The following CDCP1 variants were observed in gnomAD, a reference collection of about 807,000 sequenced individuals.
CDCP1 encodes CUB domain containing protein 1, also known as CUB domain-containing protein 1.
CDCP1 carries 29 observed loss-of-function variants against 60.2 expected under a neutral mutation model. The observed-to-expected ratio is 0.48, with a 90% CI of 0.36 to 0.66. The LOEUF is 0.66. Among genes scored for constraint, CDCP1 ranks in the 30% least tolerant of loss-of-function variants. The pLI, the probability that CDCP1 is intolerant of heterozygous loss-of-function variation, is 0.00. For synonymous variants in CDCP1, 387 were observed against 431.1 expected (o/e 0.90, Z 1.27); for missense variants, 876 against 1,074.3 (o/e 0.82, Z 2.58).
chr3:45,136,024 T>G (rs1699185493), intron 1 of CDCP1, among the ~76,000 whole-genome samples: 1 of 152,186 alleles, frequency 6.6e-6, no homozygotes, highest in Admixed American at 6.5e-5. Flanking sequence ...CCCTTCCAGA[T>G]GGTGAGTCCT....
At chr3:45,110,044 T>C (rs1698660771) in intron 4 of CDCP1, among the ~76,000 whole-genome samples, 1 of 152,180 alleles carries the variant, frequency 6.6e-6, no homozygotes, top group African/African-American at 2.4e-5. Context: ...TTAGCTGAGA[T>C]TGTGTAAGTG....
intron 1 of CDCP1, among the ~76,000 whole-genome samples, chr3:45,123,243 G>A (rs866459325): frequency 6.6e-6 from 1 of 152,136 alleles, no homozygotes; most frequent in African/African-American, 2.4e-5. Context: ...GATGTTTAAC[G>A]TCTTAATATG....
chr3:45,097,844 C>T (rs537447692), intron 4 of CDCP1, among the ~76,000 whole-genome samples: 2 of 152,332 alleles, frequency 1.3e-5, no homozygotes, highest in Admixed American at 1.3e-4. Flanking sequence ...TTTGACATCA[C>T]ATCCAATAGT....
At chr3:45,111,753 C>T (rs552228756) in intron 3 of CDCP1, among the ~76,000 whole-genome samples, 14 of 152,242 alleles carry the variant, frequency 9.2e-5, no homozygotes, top group East Asian at 1.9e-4. Context: ...ATCACTGATA[C>T]GTTTACAGAA....
chr3:45,110,168 C>A, intron 4 of CDCP1: 3 of 1,202,840 alleles, frequency 2.5e-6, no homozygotes, highest in Non-Finnish European at 3.1e-6. Context: ...TCCTCATTCA[C>A]ATTGCAGGGT....
At chr3:45,122,144 ATTT>A (rs145595755) in intron 1 of CDCP1, among the ~76,000 whole-genome samples, 3 of 138,310 alleles carry the variant, frequency 2.2e-5, no homozygotes, top group East Asian at 2.1e-4. Context: ...TATAATCTGT[ATTT>A]TTTTTTTTTT....
chr3:45,095,341 G>A lies in CDCP1; in HGVS notation c.1246+6C>T, dbSNP rs765306131. 1.2e-6 allele frequency: 2 copies of A among 1,612,510 alleles called. No individual in the cohort carries two copies. The highest frequency in any genetic ancestry group is 2.2e-5 in the South Asian group (2 of 91,032). The stretch of plus-strand genomic sequence containing the variant: ...CAGGGACAAATGCACTGATTCAGGG[G>A]CGTACTTATGGTTTTTTCCACATTC... On this transcript the variant is annotated splice_donor_region_variant and intron_variant, in intron 5 of 8. Transcript: ENST00000296129.
At chr3:45,121,635 T>A (rs550386769) in intron 1 of CDCP1, among the ~76,000 whole-genome samples, 1 of 152,314 alleles carries the variant, frequency 6.6e-6, no homozygotes, top group East Asian at 1.9e-4. Context: ...TTTAAATCAG[T>A]GCTAGACGCT....
intron 1 of CDCP1, among the ~76,000 whole-genome samples, chr3:45,145,685 A>G (rs1699370041): frequency 1.3e-5 from 2 of 152,146 alleles, no homozygotes; most frequent in South Asian, 2.1e-4. Context: ...GACGGGAAAA[A>G]GGGGATCTAG....
intron 1 of CDCP1, among the ~76,000 whole-genome samples, chr3:45,144,509 G>A (rs1372429203): frequency 6.6e-6 from 1 of 152,196 alleles, no homozygotes; most frequent in Non-Finnish European, 1.5e-5. Context: ...ATGAGACAGG[G>A]CTCAGCCAGT....
rs543351416 is a variant in CDCP1 at position 45,108,999 on chromosome 3, G to A, written c.1024+1474C>T. 1.3e-4 allele frequency among the ~76,000 whole-genome samples: 17 copies of A among 135,618 alleles called. No individual in the cohort carries two copies. The East Asian group carries it at 2.8e-3, about 23-fold the overall frequency. The allele number at this position is 135,618 out of a possible 152,430, so 89.0% of individuals were successfully genotyped here. A position where few individuals can be genotyped will look rare whatever the true frequency, so the allele number is the denominator to read the frequency against. On this transcript the variant is annotated intron_variant, in intron 4 of 8. Coordinates refer to ENST00000296129, the MANE Select transcript of CDCP1 (RefSeq NM_022842.5). Reference sequence around the variant, plus strand: ...GAGTCTCACTCTGTCACCCAGGCTGGAGTGCAGTGGCCCAATCTCGGTTCA... The same window carrying A: ...GAGTCTCACTCTGTCACCCAGGCTGAAGTGCAGTGGCCCAATCTCGGTTCA...
At position 45,086,056 on chromosome 3, in the gene CDCP1, G is replaced by A. The variant is rs757511384; in HGVS notation, c.2093C>T (p.Thr698Ile). 1 of 1,613,398 alleles carries A rather than the reference G, an allele frequency of 6.2e-7. No homozygotes were observed. Among genetic ancestry groups the A allele is most frequent in the Non-Finnish European group, 8.5e-7 (1 of 1,179,708 alleles). ...ICCVKKKKKK[T>I]NKGPAVGIYN... ...GATACCCACAGCGGGGCCCTTGTTT[G>A]TCTTCTTTTTCCTATTTGGAAAAAT... Residue 698 changes from threonine (T) to isoleucine (I), a missense_variant, in exon 9 of 9, where the codon ACA becomes ATA. Thr to Ile is a moderately conservative substitution (Grantham distance 89). This residue lies in a region of CDCP1 where 726 missense variants were observed against 935.7 expected (regional missense o/e 0.78). Transcript: ENST00000296129.
At chr3:45,145,479 C>G (rs1325160531) in intron 1 of CDCP1, among the ~76,000 whole-genome samples, 1 of 152,174 alleles carries the variant, frequency 6.6e-6, no homozygotes, top group East Asian at 1.9e-4. Context: ...ACTCGAAATT[C>G]ACACATATCC....
At chr3:45,138,245 G>A (rs1395301324) in intron 1 of CDCP1, among the ~76,000 whole-genome samples, 4 of 152,096 alleles carry the variant, frequency 2.6e-5, no homozygotes, top group African/African-American at 7.2e-5. Flanking sequence ...AACTTCATAC[G>A]GCTTTTCACT....
intron 1 of CDCP1, among the ~76,000 whole-genome samples, chr3:45,125,903 C>T (rs1393071101): frequency 6.6e-6 from 1 of 152,202 alleles, no homozygotes; most frequent in Non-Finnish European, 1.5e-5. Context: ...GTGACTCCAG[C>T]ACCCTCACTG....
At chr3:45,104,985 T>G (rs1576090375) in intron 4 of CDCP1, among the ~76,000 whole-genome samples, 1 of 152,102 alleles carries the variant, frequency 6.6e-6, no homozygotes, top group South Asian at 2.1e-4. Flanking sequence ...GAGGCGGAGG[T>G]TGCGGTGAGC....
At chr3:45,122,276 T>C (rs1372733896) in intron 1 of CDCP1, among the ~76,000 whole-genome samples, 1 of 151,836 alleles carries the variant, frequency 6.6e-6, no homozygotes, top group Non-Finnish European at 1.5e-5. Context: ...CCCGAGTAGC[T>C]GGGACTAAAG....
Position 45,102,330 on chromosome 3 carries a change from A to G in CDCP1, c.1025-6762T>C, listed in dbSNP as rs538170067. On this transcript the variant is annotated intron_variant, in intron 4 of 8. Coordinates refer to ENST00000296129, the MANE Select transcript of CDCP1 (RefSeq NM_022842.5). The stretch of plus-strand genomic sequence containing the variant: ...AGGTGATCCACTGCCTCGGCCTCCC[A>G]AAGTGCTGGGATTACAGGCATGAGC... Among the ~76,000 whole-genome samples, 8 of 152,112 alleles carry G rather than the reference A, an allele frequency of 5.3e-5. No homozygotes were observed. In the South Asian group the frequency reaches 1.5e-3, roughly 28 times the overall value.
intron 4 of CDCP1, among the ~76,000 whole-genome samples, chr3:45,106,651 A>G (rs1455216699): frequency 6.6e-6 from 1 of 152,014 alleles, no homozygotes; most frequent in Non-Finnish European, 1.5e-5. Context: ...GAGACAGATA[A>G]ATCCATGTTG....
Sources: gnomAD v4.1 joint callset for allele counts (sites outside exome capture counted in the v4.1 genomes callset) on GRCh38, gnomAD v4.1.1 for gene constraint, gnomAD v4.1.1 regional missense constraint, MANE v1.5 for transcripts, NCBI Gene and HGNC (gene_info 2026-07-23, HGNC 2026-07-21) for gene names.